CRBN: variants seen among roughly 807,000 people sequenced by gnomAD.
CRBN encodes protein cereblon.
In CRBN, 53 loss-of-function variants were observed where a neutral mutation model predicts 62.2. That is an observed-to-expected ratio of 0.85 (90% confidence interval 0.68 to 1.07). CRBN has a LOEUF of 1.07. Among genes scored for constraint, CRBN ranks in the 50% least tolerant of loss-of-function variants. CRBN has a pLI of 0.00. For missense variants in CRBN, 616 were observed against 531.1 expected, an observed-to-expected ratio of 1.16 and a Z score of -1.57; for synonymous variants, 208 against 176.1, an observed-to-expected ratio of 1.18 and a Z score of -1.43.
rs371369629 is a variant in CRBN, at chr3:3,164,687, T to C, written c.687+2947A>G. On this transcript the variant is annotated intron_variant, in intron 5 of 10. Coordinates refer to ENST00000231948, the MANE Select transcript of CRBN (RefSeq NM_016302.4). Reference sequence around the variant, plus strand: ...CTGCTCAGAAAAGACTCTTTATAATTATTACTGCTCATTGACAATGTACAT... The same window carrying C: ...CTGCTCAGAAAAGACTCTTTATAATCATTACTGCTCATTGACAATGTACAT... Among the ~76,000 whole-genome samples the C allele has an allele frequency of 7.9e-5, 12 of 152,210 alleles. No individual in the cohort carries two copies. In the East Asian group the frequency reaches 1.7e-3, roughly 22 times the overall value.
chr3:3,179,231 T>C (rs1049042744), intron 1 of CRBN, among the ~76,000 whole-genome samples: 4 of 152,124 alleles, frequency 2.6e-5, no homozygotes, highest in African/African-American at 9.7e-5. Context: ...TGGTAAGTGC[T>C]TAGTACATGT....
chr3:3,156,331 C>G, intron 5 of CRBN, 50 bp from the exon 6 acceptor site: 5 of 1,500,784 alleles, frequency 3.3e-6, no homozygotes, highest in Non-Finnish European at 4.6e-6. Context: ...AATAAAGATT[C>G]TAATGCTGGA....
At chr3:3,175,136 T>C (rs759295315) in intron 2 of CRBN, 27 bp downstream of exon 2, 19 of 1,344,546 alleles carry the variant, frequency 1.4e-5, no homozygotes, top group Middle Eastern at 3.7e-4. Flanking sequence ...ATATCTATTA[T>C]ATTAGATCTG....
rs147395766 is a variant in CRBN at position 3,179,665 on chromosome 3, T to C, written c.23A>G (p.Gln8Arg). The C allele has an allele frequency of 1.0e-4, 167 of 1,613,038 alleles. No homozygotes were observed. Among genetic ancestry groups the C allele is most frequent in the Non-Finnish European group, 1.4e-4 (160 of 1,179,598 alleles). Residue 8 changes from glutamine (Q) to arginine (R), a missense_variant, in exon 1 of 11, where the codon CAG becomes CGG. Coordinates refer to ENST00000231948, the MANE Select transcript of CRBN (RefSeq NM_016302.4). ...GTTGCCCATGTTGTGCGCAGCGTCC[T>C]GCTGATCTCCTTCGCCGGCCATGTC... MAGEGDQQDAAHNMGNHL... is the reference protein window; with the variant it reads MAGEGDQRDAAHNMGNHL...
intron 10 of CRBN, among the ~76,000 whole-genome samples, chr3:3,152,013 T>A (rs1241654497): frequency 1.3e-5 from 2 of 152,152 alleles, no homozygotes; most frequent in Admixed American, 1.3e-4. Context: ...AAAAAAACAA[T>A]TTTGGATTTA....
At position 3,153,662 on chromosome 3, in the gene CRBN, A is replaced by G. The variant is rs1575080935; in HGVS notation, c.952-174T>C. On this transcript the variant is annotated intron_variant, in intron 8 of 10. Coordinates refer to ENST00000231948, the MANE Select transcript of CRBN (RefSeq NM_016302.4). ...AAGATGGAGCACGAAAGTCACTGAA[A>G]CTGAGATCTGCCACATATTTACATA... is the stretch of plus-strand genomic sequence containing the variant. 7.9e-6 allele frequency: 5 copies of G among 631,674 alleles called. No individual in the cohort carries two copies. In the East Asian group the frequency reaches 1.1e-4, roughly 14 times the overall value. 39.1% of individuals were successfully genotyped at this position (631,674 alleles called of 1,614,324 possible). A position where few individuals can be genotyped will look rare whatever the true frequency, so the allele number is the denominator to read the frequency against.
chr3:3,156,974 G>C (rs534272046), intron 5 of CRBN, among the ~76,000 whole-genome samples: 25 of 152,208 alleles, frequency 1.6e-4, no homozygotes, highest in African/African-American at 6.0e-4. Flanking sequence ...AGAAATTGTA[G>C]AATTTCAGTA....
At position 3,177,732 on chromosome 3, in the gene CRBN, T is replaced by C. The variant is rs537233326; in HGVS notation, c.67+1889A>G. Among the ~76,000 whole-genome samples the C allele has an allele frequency of 5.9e-4, 90 of 152,324 alleles. 2 individuals are homozygous for C. The South Asian group carries it at 0.019, about 32-fold the overall frequency. The stretch of plus-strand genomic sequence containing the variant: ...CTCTAAATAATTTCTTTAGTAACCT[T>C]TTTTTCATAAATATGGCTAAAAACC... On this transcript the variant is annotated intron_variant, in intron 1 of 10. Coordinates refer to ENST00000231948, the MANE Select transcript of CRBN (RefSeq NM_016302.4).
chr3:3,173,924 C>T lies in CRBN; in HGVS notation c.377+135G>A, dbSNP rs114003299. On this transcript the variant is annotated intron_variant, in intron 3 of 10. Transcript: ENST00000231948. ...CTTGCACTATCAAACTTCTACTTAACCAAATTCCTAACCTCACATTCTTAC... is the reference window on the plus strand; with the variant it reads ...CTTGCACTATCAAACTTCTACTTAATCAAATTCCTAACCTCACATTCTTAC... 2.1e-3 allele frequency: 1,636 copies of T among 776,752 alleles called. 26 individuals are homozygous for T. In the African/African-American group the frequency reaches 0.024, roughly 11 times the overall value. 48.1% of individuals were successfully genotyped at this position (776,752 alleles called of 1,614,324 possible).
At chr3:3,154,558 G>C (rs1706796259) in intron 7 of CRBN, 189 bp downstream of exon 7, 3 of 579,478 alleles carry the variant, frequency 5.2e-6, no homozygotes, top group African/African-American at 1.9e-5. Context: ...CAGAATATGA[G>C]GATTTTATTG....
intron 4 of CRBN, among the ~76,000 whole-genome samples, chr3:3,170,080 AG>A (rs1469470081): frequency 6.6e-6 from 1 of 152,096 alleles, no homozygotes; most frequent in Non-Finnish European, 1.5e-5. Context: ...CCCAGGTTCA[AG>A]TGGTTCTCAT....
chr3:3,157,946 G>C (rs1207407253), intron 5 of CRBN, among the ~76,000 whole-genome samples: 1 of 152,130 alleles, frequency 6.6e-6, no homozygotes, highest in Non-Finnish European at 1.5e-5. Context: ...TATTTTAGGA[G>C]TTGCAATATG....
At position 3,167,678 on chromosome 3, in the gene CRBN, T is replaced by C. The variant is rs1267283731; in HGVS notation, c.643A>G (p.Arg215Gly). 7 of 1,613,470 alleles carry C rather than the reference T, an allele frequency of 4.3e-6. No individual in the cohort carries two copies. Among genetic ancestry groups the C allele is most frequent in the East Asian group, 2.2e-5 (1 of 44,818 alleles). ...CQIFPSKPVS[R>G]EDQCSYKWWQ... is the part of the protein sequence containing the mutation. ...CATTTATATGAACATTGGTCTTCTC[T>C]TGAGACAGGTTTTGAAGGAAATATC... Residue 215 changes from arginine to glycine, a missense_variant, in exon 5 of 11, where the codon AGA (arginine) becomes GGA (glycine). Physicochemically the swap from Arg to Gly is moderately radical, Grantham distance 125. Coordinates refer to ENST00000231948, the MANE Select transcript of CRBN (RefSeq NM_016302.4).
Position 3,150,284 on chromosome 3 carries a change from C to G in CRBN, c.*581G>C, listed in dbSNP as rs150489297. The G allele has an allele frequency of 1.6e-4, 25 of 152,032 alleles. No individual in the cohort carries two copies. Among genetic ancestry groups the G allele is most frequent in the African/African-American group, 6.1e-4 (25 of 40,964 alleles). 9.4% of individuals were successfully genotyped at this position (152,032 alleles called of 1,614,324 possible). On this transcript the variant is annotated 3_prime_UTR_variant, in exon 11 of 11. Transcript: ENST00000231948. Reference sequence around the variant, plus strand: ...GACAACTATTCGTGGGCTCAAAAAACTGCATATTTTAACTAATTTTCAAAA... The same window carrying G: ...GACAACTATTCGTGGGCTCAAAAAAGTGCATATTTTAACTAATTTTCAAAA...
intron 4 of CRBN, among the ~76,000 whole-genome samples, chr3:3,168,636 A>G (rs1575095612): frequency 6.6e-6 from 1 of 152,192 alleles, no homozygotes; most frequent in Non-Finnish European, 1.5e-5. Flanking sequence ...CTGCTTTATT[A>G]GTTATACTTA....
chr3:3,174,895 C>G (rs1234969352), intron 2 of CRBN, among the ~76,000 whole-genome samples: 1 of 152,134 alleles, frequency 6.6e-6, no homozygotes, highest in African/African-American at 2.4e-5. Context: ...CAATAACACT[C>G]TAGTACCTAG....
At chr3:3,160,196 T>C (rs140233977) in intron 5 of CRBN, among the ~76,000 whole-genome samples, 7 of 152,296 alleles carry the variant, frequency 4.6e-5, no homozygotes, top group Admixed American at 2.0e-4. Flanking sequence ...GTTCAAAACA[T>C]GTGAAACTCC....
At position 3,174,091 on chromosome 3, in the gene CRBN, C is replaced by T; in HGVS notation, c.345G>A (p.Gln115=). The stretch of plus-strand genomic sequence containing the variant: ...CAAGAACAGCAAAGGTTCTATCTTT[C>T]TGAATTAAATTCCGCACCATACTGA... The part of the protein sequence containing the change: ...QEVSMVRNLI[Q]KDRTFAVLAY... The change falls in exon 3 of 11, where the codon CAG becomes CAA. Residue 115 remains glutamine, a synonymous_variant. Coordinates refer to ENST00000231948, the MANE Select transcript of CRBN (RefSeq NM_016302.4). 6.2e-7 allele frequency: 1 copy of T among 1,614,160 alleles called. No individual in the cohort carries two copies. The highest frequency in any genetic ancestry group is 8.5e-7 in the Non-Finnish European group (1 of 1,180,020).
intron 8 of CRBN, 51 bp downstream of exon 8, chr3:3,153,909 T>G: frequency 8.6e-7 from 1 of 1,162,208 alleles, no homozygotes; most frequent in Middle Eastern, 1.9e-4. Context: ...GCATCCTAGT[T>G]CTCCAGCCTG....
Sources: gnomAD v4.1 joint callset for allele counts (sites outside exome capture counted in the v4.1 genomes callset) on GRCh38, gnomAD v4.1.1 for gene constraint, MANE v1.5 for transcripts, NCBI Gene and HGNC (gene_info 2026-07-23, HGNC 2026-07-21) for gene names.